ERC2: variants seen among roughly 807,000 people sequenced by gnomAD.
The protein encoded by ERC2 is ELKS/RAB6-interacting/CAST family member 2, also known as ERC protein 2.
In ERC2, 42 loss-of-function variants were observed where a neutral mutation model predicts 114.8. The ratio of observed to expected loss-of-function variants is 0.37; its 90% CI spans 0.29 to 0.47. The LOEUF (loss-of-function observed/expected upper bound fraction) is 0.47. ERC2 is among the 20% of genes least tolerant of loss of function. ERC2 has a pLI of 0.99. For missense variants in ERC2, 939 were observed against 1,150.7 expected, an observed-to-expected ratio of 0.82 and a Z score of 2.66; for synonymous variants, 454 against 425.5, an observed-to-expected ratio of 1.07 and a Z score of -0.82.
intron 3 of ERC2, among the ~76,000 whole-genome samples, chr3:56,180,919 C>CT (rs762179348): frequency 1.9e-4 from 29 of 152,208 alleles, no homozygotes; most frequent in Admixed American, 3.9e-4. Context: ...AAGTTGGTGT[C>CT]TATCTTTTTC....
chr3:56,096,043 G>T (rs966860261), intron 6 of ERC2, among the ~76,000 whole-genome samples: 1 of 151,992 alleles, frequency 6.6e-6, no homozygotes, highest in African/African-American at 2.4e-5. Context: ...ATAAAATGAG[G>T]GTAATAATAG....
chr3:56,179,222 C>T (rs1252828077), intron 3 of ERC2, among the ~76,000 whole-genome samples: 1 of 151,694 alleles, frequency 6.6e-6, no homozygotes, highest in African/African-American at 2.4e-5. Flanking sequence ...GTAGATATTC[C>T]AGGCAGAGAG....
intron 7 of ERC2, among the ~76,000 whole-genome samples, chr3:56,055,477 T>C (rs2075973185): frequency 6.6e-6 from 1 of 152,216 alleles, no homozygotes; most frequent in African/African-American, 2.4e-5. Context: ...AATTTTATTG[T>C]AATCCATGGC....
At chr3:56,380,861 C>T (rs1194608061) in intron 2 of ERC2, among the ~76,000 whole-genome samples, 1 of 152,152 alleles carries the variant, frequency 6.6e-6, no homozygotes, top group Non-Finnish European at 1.5e-5. Context: ...TTATAATCTG[C>T]CTGTTAAACA....
chr3:55,656,080 G>A (rs988512427), intron 17 of ERC2, among the ~76,000 whole-genome samples: 2 of 147,802 alleles, frequency 1.4e-5, no homozygotes, highest in African/African-American at 2.5e-5. Flanking sequence ...CAGGGCACAG[G>A]TATATCCATG....
intron 10 of ERC2, among the ~76,000 whole-genome samples, chr3:56,001,768 C>T (rs1449636835): frequency 6.6e-6 from 1 of 152,172 alleles, no homozygotes; most frequent in Non-Finnish European, 1.5e-5. Flanking sequence ...CTCTCCCCAT[C>T]TGTCATGCAC....
rs553398842 is a variant in ERC2 at position 56,350,511 on chromosome 3, T to C, written c.658-54076A>G. Among the ~76,000 whole-genome samples the C allele has an allele frequency of 2.0e-5, 3 of 152,174 alleles. No individual in the cohort carries two copies. The South Asian group carries it at 6.2e-4, about 32-fold the overall frequency. ...AAGTTTACAGCTCAAACTCAGGAAA[T>C]TCCAGTATGAAGACAAATCAAAGGC... is the stretch of plus-strand genomic sequence containing the variant. On this transcript the variant is annotated intron_variant, in intron 2 of 17. Transcript: ENST00000288221.
intron 2 of ERC2, among the ~76,000 whole-genome samples, chr3:56,313,037 T>TATATATAG (rs2056680454): frequency 7.7e-6 from 1 of 130,246 alleles, no homozygotes; most frequent in Admixed American, 7.8e-5. Flanking sequence ...TATATATATA[T>TATATATAG]GGGGTGGGAG....
At chr3:55,996,208 T>C (rs908343754) in intron 10 of ERC2, among the ~76,000 whole-genome samples, 1 of 152,210 alleles carries the variant, frequency 6.6e-6, no homozygotes, top group Non-Finnish European at 1.5e-5. Flanking sequence ...TGGGAAGGCT[T>C]GCCCTTTCTA....
intron 14 of ERC2, among the ~76,000 whole-genome samples, chr3:55,785,438 G>T (rs1415060824): frequency 1.3e-5 from 2 of 152,090 alleles, no homozygotes; most frequent in African/African-American, 4.8e-5. Flanking sequence ...CTGTAATTTT[G>T]AGCCTGTTTC....
intron 10 of ERC2, among the ~76,000 whole-genome samples, chr3:55,992,452 A>C (rs1422166729): frequency 1.3e-5 from 2 of 152,164 alleles, no homozygotes; most frequent in Admixed American, 6.5e-5. Flanking sequence ...ATAATATTAG[A>C]GTTTCACAGG....
At position 56,133,209 on chromosome 3, in the gene ERC2, G is replaced by A. The variant is rs147338576; in HGVS notation, c.1473+6300C>T. ...TCCCAGCATTTTGGGAAGCTGAGGC[G>A]GGCAAATTGCTTCAGCCCAGGAGTT... On this transcript the variant is annotated intron_variant, in intron 6 of 17. Transcript: ENST00000288221. Among the ~76,000 whole-genome samples, 35 of 152,218 alleles carry A rather than the reference G, an allele frequency of 2.3e-4. 1 individual carries two copies. In the East Asian group the frequency reaches 3.5e-3, roughly 15 times the overall value.
intron 6 of ERC2, among the ~76,000 whole-genome samples, chr3:56,105,286 C>T (rs1178343242): frequency 6.6e-6 from 1 of 151,996 alleles, no homozygotes; most frequent in Admixed American, 6.6e-5. Flanking sequence ...GATATGGTCA[C>T]TGGAGGGTTT....
chr3:56,133,580 T>A (rs961844756), intron 6 of ERC2, among the ~76,000 whole-genome samples: 1 of 152,266 alleles, frequency 6.6e-6, no homozygotes, highest in Non-Finnish European at 1.5e-5. Flanking sequence ...AACCCAGACA[T>A]TGCCATTTAC....
chr3:55,710,089 T>C (rs2063699727), intron 15 of ERC2, among the ~76,000 whole-genome samples: 1 of 152,262 alleles, frequency 6.6e-6, no homozygotes, highest in East Asian at 1.9e-4. Flanking sequence ...CGCTGTGCTG[T>C]CCTCCCTTTC....
At chr3:55,942,972 T>C (rs1165493775) in intron 13 of ERC2, among the ~76,000 whole-genome samples, 1 of 152,216 alleles carries the variant, frequency 6.6e-6, no homozygotes, top group Non-Finnish European at 1.5e-5. Context: ...AGTGATGTGC[T>C]GAAATACCAG....
At chr3:55,856,948 G>A (rs932676725) in intron 14 of ERC2, among the ~76,000 whole-genome samples, 1 of 151,980 alleles carries the variant, frequency 6.6e-6, no homozygotes, top group Non-Finnish European at 1.5e-5. Context: ...CATTTATATG[G>A]AATGTCCAGT....
At chr3:56,163,951 T>C (rs910639047) in intron 4 of ERC2, among the ~76,000 whole-genome samples, 5 of 152,084 alleles carry the variant, frequency 3.3e-5, no homozygotes, top group Admixed American at 6.6e-5. Flanking sequence ...TGTGGTTCCT[T>C]TATAGGGTCT....
chr3:55,566,134 A>G (rs2056357685), intron 17 of ERC2, among the ~76,000 whole-genome samples: 1 of 152,204 alleles, frequency 6.6e-6, no homozygotes, highest in Admixed American at 6.5e-5. Context: ...AAGAGCATCT[A>G]CTTGGTCCTA....
Sources: allele counts gnomAD v4.1 joint callset (sites outside exome capture counted in the v4.1 genomes callset), GRCh38; gene constraint gnomAD v4.1.1; transcripts MANE v1.5; gene names NCBI Gene and HGNC (gene_info 2026-07-23, HGNC 2026-07-21).